The following MRPS5 variants were observed in gnomAD, a reference collection of about 807,000 sequenced individuals.
MRPS5 encodes the protein mitochondrial ribosomal protein S5.
Under a neutral mutation model 51.9 loss-of-function variants are expected in MRPS5, and 27 were observed. The ratio of observed to expected loss-of-function variants is 0.52; its 90% CI spans 0.38 to 0.72. MRPS5 has a LOEUF of 0.72. MRPS5 is among the 30% of genes least tolerant of loss of function. The pLI is 0.00. For missense variants in MRPS5, 570 were observed against 545.7 expected, an observed-to-expected ratio of 1.04 and a Z score of -0.44; for synonymous variants, 196 against 193.2, an observed-to-expected ratio of 1.01 and a Z score of -0.12.
intron 3 of MRPS5, 116 bp downstream of exon 3, chr2:95,114,950 G>A (rs1676241771): frequency 5.4e-6 from 5 of 922,808 alleles, no homozygotes; most frequent in Non-Finnish European, 6.2e-6. Flanking sequence ...CATTTTAACA[G>A]TACATTGTAA....
intron 8 of MRPS5, among the ~76,000 whole-genome samples, 161 bp downstream of exon 8, chr2:95,101,516 G>T (rs577428396): frequency 6.6e-6 from 1 of 152,036 alleles, no homozygotes; most frequent in East Asian, 1.9e-4. Context: ...AGGAATATAA[G>T]TACTTCTGAA....
chr2:95,118,781 C>G (rs1421044161), intron 1 of MRPS5, among the ~76,000 whole-genome samples: 1 of 152,160 alleles, frequency 6.6e-6, no homozygotes, highest in Non-Finnish European at 1.5e-5. Flanking sequence ...GGTGCTGGGA[C>G]AACTGGATAT....
At chr2:95,116,475 T>G (rs1220580898) in intron 2 of MRPS5, among the ~76,000 whole-genome samples, 1 of 152,174 alleles carries the variant, frequency 6.6e-6, no homozygotes, top group Non-Finnish European at 1.5e-5. Context: ...TGACTTTAGA[T>G]TTGAGAAACA....
chr2:95,088,806 C>T (rs1366198817), intron 11 of MRPS5, among the ~76,000 whole-genome samples: 5 of 152,224 alleles, frequency 3.3e-5, no homozygotes, highest in African/African-American at 1.2e-4. Context: ...CGGTGGCTCA[C>T]GCCTGTAATC....
chr2:95,090,239 T>C (rs1675422549), intron 11 of MRPS5, 147 bp downstream of exon 11: 2 of 573,278 alleles, frequency 3.5e-6, no homozygotes, highest in East Asian at 5.8e-5. Flanking sequence ...TTAACTAAAC[T>C]GATGCAGTCA....
rs1219189814 is a variant in MRPS5 at position 95,086,157 on chromosome 2, C to T, written c.*1200G>A. ...CTGATCTCAAACTCCTGGGCTGAAGCAATCCTCCTGCCTCACCTTCACAAA... is the reference window on the plus strand; with the variant it reads ...CTGATCTCAAACTCCTGGGCTGAAGTAATCCTCCTGCCTCACCTTCACAAA... On this transcript the variant is annotated 3_prime_UTR_variant, in exon 12 of 12. Coordinates refer to ENST00000272418, the MANE Select transcript of MRPS5 (RefSeq NM_031902.5). Among the ~76,000 whole-genome samples the T allele has an allele frequency of 6.6e-6, 1 of 152,098 alleles. No homozygotes were observed. Among genetic ancestry groups the T allele is most frequent in the Non-Finnish European group, 1.5e-5 (1 of 68,016 alleles).
In MRPS5 at chr2:95,087,483, C is replaced by A; in HGVS notation, c.1167G>T (p.Gly389=). The A allele has an allele frequency of 6.2e-7, 1 of 1,614,104 alleles. No homozygotes were observed. The highest frequency in any genetic ancestry group is 2.2e-5 in the East Asian group (1 of 44,868). The stretch of plus-strand genomic sequence containing the variant: ...CTGGCTCTGGATCCTTCCTCAAGGG[C>A]CCCCGGGGGGACGCAACCACAATGG... ...PLPIVVASPR[G]PLRKDPEPED... is the part of the protein sequence containing the mutation. The change falls in exon 12 of 12, where the codon GGG becomes GGT. Residue 389 remains glycine (G), a synonymous_variant. Transcript: ENST00000272418.
At chr2:95,100,578 G>T (rs1675765820) in intron 9 of MRPS5, 42 bp from the exon 10 acceptor site, 2 of 1,433,462 alleles carry the variant, frequency 1.4e-6, no homozygotes, top group Non-Finnish European at 2.0e-6. Context: ...TAGGTGTGTG[G>T]CTTTAATAAG....
chr2:95,114,358 C>T (rs886902866), intron 3 of MRPS5, among the ~76,000 whole-genome samples: 19 of 151,282 alleles, frequency 1.3e-4, no homozygotes, highest in African/African-American at 4.1e-4. Context: ...CCCGGGTTCA[C>T]GCCATTCTCC....
rs1334856158 is a variant in MRPS5, at chr2:95,104,466, T to C, written c.763+174A>G. ...ACAGTAGAATCTATTCTCTCTTTTCTCTCTAAGGGAAGTCATGGACTTACC... is the reference window on the plus strand; with the variant it reads ...ACAGTAGAATCTATTCTCTCTTTTCCCTCTAAGGGAAGTCATGGACTTACC... On this transcript the variant is annotated intron_variant, in intron 7 of 11. Transcript: ENST00000272418. The C allele has an allele frequency of 5.9e-6, 4 of 676,500 alleles. No individual in the cohort carries two copies. The Admixed American group carries it at 6.9e-5, about 12-fold the overall frequency. The allele number at this position is 676,500 out of a possible 1,614,324, so 41.9% of individuals were successfully genotyped here.
chr2:95,117,593 G>A (rs1238603082), intron 2 of MRPS5, among the ~76,000 whole-genome samples: 9 of 149,784 alleles, frequency 6.0e-5, no homozygotes, highest in Admixed American at 4.0e-4. Flanking sequence ...CTAATACACA[G>A]AAACTACCCC....
At chr2:95,104,564 G>T in intron 7 of MRPS5, 76 bp downstream of exon 7, 1 of 1,482,214 alleles carries the variant, frequency 6.7e-7, no homozygotes, top group Non-Finnish European at 9.4e-7. Flanking sequence ...ATGAGCCCAT[G>T]GGCTCCACAG....
chr2:95,101,406 C>CA (rs1675798202), intron 8 of MRPS5, among the ~76,000 whole-genome samples: 1 of 148,246 alleles, frequency 6.7e-6, no homozygotes, highest in African/African-American at 2.5e-5. Flanking sequence ...AAAAAAGTAA[C>CA]AATTCCTTAG....
chr2:95,095,865 CTGAAGGAAACAGACACACAAAAAA>C (rs1675610210), intron 10 of MRPS5, among the ~76,000 whole-genome samples: 1 of 152,088 alleles, frequency 6.6e-6, no homozygotes, highest in African/African-American at 2.4e-5. Flanking sequence ...CAGAGCAGCA[CTGAAGGAAACAGACACACAAAAAA>C]AACCTTCAAA....
chr2:95,119,242 C>T (rs1170741315), intron 1 of MRPS5, among the ~76,000 whole-genome samples: 1 of 152,136 alleles, frequency 6.6e-6, no homozygotes, highest in African/African-American at 2.4e-5. Flanking sequence ...TACAAATGGC[C>T]ATTAGCACAT....
At chr2:95,102,182 A>T (rs1474590483) in intron 7 of MRPS5, among the ~76,000 whole-genome samples, 1 of 152,034 alleles carries the variant, frequency 6.6e-6, no homozygotes, top group Non-Finnish European at 1.5e-5. Context: ...AACAATAACA[A>T]AGCACGAGGC....
intron 6 of MRPS5, 44 bp downstream of exon 6, chr2:95,106,377 CAA>C: frequency 1.4e-6 from 2 of 1,413,692 alleles, no homozygotes; most frequent in Non-Finnish European, 2.0e-6. Flanking sequence ...CCACCCACCC[CAA>C]CCTCTCCAAA....
At chr2:95,091,715 C>T (rs2104394588) in intron 10 of MRPS5, 1 of 152,304 alleles carries the variant, frequency 6.6e-6, no homozygotes, top group South Asian at 2.1e-4. Context: ...TGGTCAAAAA[C>T]TATTCCTTCT....
chr2:95,097,205 G>GA lies in MRPS5; in HGVS notation c.931+3268dup, dbSNP rs1249252256. Among the ~76,000 whole-genome samples, 3 of 152,336 alleles carry GA rather than the reference G, an allele frequency of 2.0e-5. No homozygotes were observed. The East Asian group carries it at 5.8e-4, about 29-fold the overall frequency. On this transcript the variant is annotated intron_variant, in intron 10 of 11. Coordinates refer to ENST00000272418, the MANE Select transcript of MRPS5 (RefSeq NM_031902.5). ...AAATAAAAGAGGACACAAACAAATG[G>GA]AAGAACATTCCATGCTCATGGATAG...
Sources: gnomAD v4.1 joint callset for allele counts (sites outside exome capture counted in the v4.1 genomes callset) on GRCh38, gnomAD v4.1.1 for gene constraint, MANE v1.5 for transcripts, NCBI Gene and HGNC (gene_info 2026-07-23, HGNC 2026-07-21) for gene names.